The following NMRK1 variants were observed in gnomAD, a reference collection of about 807,000 sequenced individuals.
The protein encoded by NMRK1 is nicotinamide riboside kinase 1.
NMRK1 carries 28 observed loss-of-function variants against 29.9 expected under a neutral mutation model. That is an observed-to-expected ratio of 0.94 (90% CI 0.69 to 1.28). The LOEUF is 1.28. Ranked by LOEUF, NMRK1 falls within the 50% of genes most tolerant of loss-of-function variation. NMRK1 has a pLI of 0.00. For missense variants in NMRK1, 218 were observed against 233.1 expected (o/e 0.94, Z 0.42); for synonymous variants, 58 against 73.0 (o/e 0.79, Z 1.05).
Position 75,078,537 on chromosome 9 carries a change from C to T in NMRK1, c.30-957G>A, listed in dbSNP as rs1038971029. On this transcript the variant is annotated intron_variant, in intron 2 of 8. Coordinates refer to ENST00000361092, the MANE Select transcript of NMRK1 (RefSeq NM_017881.3). ...GATCACACGGGAGGGAGGCACTTCT[C>T]GATTCAGTCATTTATTGAAAGCGTG... 2.9e-5 allele frequency: 37 copies of T among 1,284,666 alleles called. 1 individual carries two copies. The South Asian group carries it at 3.0e-4, about 11-fold the overall frequency. The allele number at this position is 1,284,666 out of a possible 1,614,324, so 79.6% of individuals were successfully genotyped here. A position where few individuals can be genotyped will look rare whatever the true frequency, so the allele number is the denominator to read the frequency against.
chr9:75,070,360 G>T (rs1823630130), intron 4 of NMRK1, among the ~76,000 whole-genome samples: 2 of 152,018 alleles, frequency 1.3e-5, no homozygotes, highest in African/African-American at 4.8e-5. Flanking sequence ...ATTCTCTCCT[G>T]ACTACACAAA....
At chr9:75,065,470 C>G (rs974115158) in intron 8 of NMRK1, among the ~76,000 whole-genome samples, 4 of 151,898 alleles carry the variant, frequency 2.6e-5, no homozygotes, top group African/African-American at 4.8e-5. Context: ...TGCTTGGTAG[C>G]TAATTTTTAA....
intron 8 of NMRK1, 102 bp from the exon 9 acceptor site, chr9:75,061,669 G>A: frequency 1.0e-6 from 1 of 959,084 alleles, no homozygotes; most frequent in Non-Finnish European, 1.6e-6. Context: ...TAAATTAGAG[G>A]GATTCTGGAG....
At chr9:75,078,046 T>G (rs571730586) in intron 2 of NMRK1, among the ~76,000 whole-genome samples, 5 of 152,216 alleles carry the variant, frequency 3.3e-5, no homozygotes, top group African/African-American at 1.2e-4. Context: ...CTGGTAGATC[T>G]GATGTACTTA....
intron 6 of NMRK1, 59 bp from the exon 7 acceptor site, chr9:75,069,161 TATGA>T (rs2118063886): frequency 3.3e-6 from 4 of 1,196,044 alleles, no homozygotes; most frequent in Admixed American, 1.7e-5. Context: ...TAAAGTAAAA[TATGA>T]ATGGTCAGGA....
intron 8 of NMRK1, among the ~76,000 whole-genome samples, chr9:75,062,903 G>A (rs868434993): frequency 4.6e-5 from 7 of 152,212 alleles, no homozygotes; most frequent in Middle Eastern, 3.4e-3. Flanking sequence ...GTGGTAGTGC[G>A]TACCTGTAAT....
chr9:75,085,001 C>T (rs567639640), intron 1 of NMRK1, among the ~76,000 whole-genome samples: 1 of 152,260 alleles, frequency 6.6e-6, no homozygotes, highest in South Asian at 2.1e-4. Flanking sequence ...CGGTTCAATG[C>T]TGCCAATTAG....
At chr9:75,061,620 T>C in intron 8 of NMRK1, 53 bp from the exon 9 acceptor site, 1 of 1,415,108 alleles carries the variant, frequency 7.1e-7, no homozygotes, top group South Asian at 1.2e-5. Context: ...TCTCATTTTA[T>C]TAAATCTTTA....
intron 1 of NMRK1, among the ~76,000 whole-genome samples, chr9:75,086,252 G>A (rs1203021016): frequency 2.0e-5 from 3 of 151,984 alleles, no homozygotes; most frequent in East Asian, 3.9e-4. Context: ...TAAAAAGCTC[G>A]CAATTGAGTT....
Position 75,066,784 on chromosome 9 carries a change from G to T in NMRK1, c.553C>A (p.Leu185Ile). 6.2e-7 allele frequency: 1 copy of T among 1,607,040 alleles called. No individual in the cohort carries two copies. Among genetic ancestry groups the T allele is most frequent in the Non-Finnish European group, 8.5e-7 (1 of 1,173,646 alleles). Residue 185 changes from leucine to isoleucine, a missense_variant, in exon 8 of 9, where the codon CTA becomes ATA. By Grantham distance (5) the Leu-to-Ile change is conservative (BLOSUM62 2). Coordinates refer to ENST00000361092, the MANE Select transcript of NMRK1 (RefSeq NM_017881.3). The stretch of plus-strand genomic sequence containing the variant: ...TTTTGCTTTGCTAGTTCTTGTATTA[G>T]ATCTTCATATACTTGCAAAAAGAGG... ...EDLFLQVYED[L>I]IQELAKQKCL... is the part of the protein sequence containing the mutation.
At chr9:75,076,296 C>A (rs1380031916) in intron 4 of NMRK1, among the ~76,000 whole-genome samples, 1 of 152,034 alleles carries the variant, frequency 6.6e-6, no homozygotes, top group Non-Finnish European at 1.5e-5. Flanking sequence ...GAACGGGAGG[C>A]CATTATGTTA....
In NMRK1 at chr9:75,073,818, T is replaced by C. The variant is rs533110777; in HGVS notation, c.169+3341A>G. On this transcript the variant is annotated intron_variant, in intron 4 of 8. Coordinates refer to ENST00000361092, the MANE Select transcript of NMRK1 (RefSeq NM_017881.3). Reference sequence around the variant, plus strand: ...CTTTCTCTCCTCTTAGCTCTGTCAGTGTTTACTTAATGCATTTTAATGTTA... The same window carrying C: ...CTTTCTCTCCTCTTAGCTCTGTCAGCGTTTACTTAATGCATTTTAATGTTA... Among the ~76,000 whole-genome samples the C allele has an allele frequency of 3.2e-4, 49 of 152,312 alleles. 1 individual carries two copies. The South Asian group carries it at 9.3e-3, about 29-fold the overall frequency.
intron 4 of NMRK1, 133 bp downstream of exon 4, chr9:75,077,007 ACACATTTTAAGACTGCCTT>A: frequency 1.7e-6 from 1 of 577,140 alleles, no homozygotes; most frequent in South Asian, 2.4e-5. Flanking sequence ...ATATATTTAA[ACACATTTTAAGACTGCCTT>A]CACAGATATA....
chr9:75,076,897 G>A lies in NMRK1; in HGVS notation c.169+262C>T, dbSNP rs111762264. Among the ~76,000 whole-genome samples the A allele has an allele frequency of 3.0e-3, 461 of 152,278 alleles. 1 individual carries two copies. Among genetic ancestry groups the A allele is most frequent in the African/African-American group, 0.011 (452 of 41,550 alleles). Reference sequence around the variant, plus strand: ...GTGTAAGCCTCCAAGCCTGGCCCCAGTGTTTTCAGTTTTAAATATAAAACT... The same window carrying A: ...GTGTAAGCCTCCAAGCCTGGCCCCAATGTTTTCAGTTTTAAATATAAAACT... On this transcript the variant is annotated intron_variant, in intron 4 of 8. Transcript: ENST00000361092.
chr9:75,080,046 C>T (rs1215729073), intron 2 of NMRK1, among the ~76,000 whole-genome samples: 1 of 152,136 alleles, frequency 6.6e-6, no homozygotes, highest in African/African-American at 2.4e-5. Context: ...CAAGAGGGCT[C>T]ATTGTATTTG....
intron 7 of NMRK1, among the ~76,000 whole-genome samples, 186 bp downstream of exon 7, chr9:75,068,810 C>T (rs1279794900): frequency 6.6e-6 from 1 of 152,194 alleles, no homozygotes; most frequent in Non-Finnish European, 1.5e-5. Context: ...GAATGAATAA[C>T]CATCCAGAAG....
At position 75,086,694 on chromosome 9, in the gene NMRK1, G is replaced by C. The variant is rs532100440; in HGVS notation, c.-36+1314C>G. ...TCTAACGCAGCTCTCTAACGCAAAT[G>C]ATCTGAAAGACAGCTGACAAAGCTA... On this transcript the variant is annotated intron_variant, in intron 1 of 8. Transcript: ENST00000361092. 7.2e-5 allele frequency among the ~76,000 whole-genome samples: 11 copies of C among 152,310 alleles called. No homozygotes were observed. In the South Asian group the frequency reaches 2.3e-3, roughly 32 times the overall value.
Position 75,084,684 on chromosome 9 carries a change from G to A in NMRK1, c.-35-1534C>T, listed in dbSNP as rs141737974. 5.8e-3 allele frequency among the ~76,000 whole-genome samples: 885 copies of A among 152,316 alleles called. 8 individuals are homozygous for A. The highest frequency in any genetic ancestry group is 0.02 in the African/African-American group (848 of 41,564). On this transcript the variant is annotated intron_variant, in intron 1 of 8. Transcript: ENST00000361092. ...ATGCTCCTGTAGTCCCAGCTACTTC[G>A]GAGGCTGAGGTGGGAGGATTGCTTG...
chr9:75,073,605 G>T (rs369478381), intron 4 of NMRK1, among the ~76,000 whole-genome samples: 1 of 152,040 alleles, frequency 6.6e-6, no homozygotes, highest in African/African-American at 2.4e-5. Context: ...CAGGCGTGGT[G>T]GTGTGTGGCT....
Sources: allele counts gnomAD v4.1 joint callset (sites outside exome capture counted in the v4.1 genomes callset), GRCh38; gene constraint gnomAD v4.1.1; transcripts MANE v1.5; gene names NCBI Gene and HGNC (gene_info 2026-07-23, HGNC 2026-07-21).